The following ARHGEF10 variants were observed in gnomAD, a reference collection of about 807,000 sequenced individuals.
ARHGEF10 encodes Rho guanine nucleotide exchange factor (GEF) 10.
ARHGEF10 carries 140 observed loss-of-function variants against 147.4 expected under a neutral mutation model. The ratio of observed to expected loss-of-function variants is 0.95; its 90% CI spans 0.83 to 1.09. The LOEUF (loss-of-function observed/expected upper bound fraction) is 1.09, where lower values mean the gene tolerates loss of function less well. Ranked by LOEUF, ARHGEF10 falls within the 50% of genes least tolerant of loss-of-function variation. The pLI, the probability that ARHGEF10 is intolerant of heterozygous loss-of-function variation, is 0.00. For synonymous variants in ARHGEF10, 902 were observed against 695.8 expected (o/e 1.30, Z -4.67); for missense variants, 2,222 against 1,752.7 (o/e 1.27, Z -4.78).
At chr8:1,839,534 ACTGTCTGGTGTGGAAG>A (rs1803825831) in intron 1 of ARHGEF10, among the ~76,000 whole-genome samples, 1 of 110,796 alleles carries the variant, frequency 9.0e-6, no homozygotes, top group African/African-American at 4.0e-5. Flanking sequence ...CGATATGGGG[ACTGTCTGGTGTGGAAG>A]CTGTCTGGTG....
rs577577935 is a variant in ARHGEF10, at chr8:1,901,722, C to T, written c.1651-1559C>T. On this transcript the variant is annotated intron_variant, in intron 15 of 28. Coordinates refer to ENST00000349830, the MANE Select transcript of ARHGEF10 (RefSeq NM_014629.4). ...CTGTCTCCATCGCACGCCTAGTCCC[C>T]GGTGCCACCACCAGTGTGTGGGTTT... Among the ~76,000 whole-genome samples, 8 of 152,326 alleles carry T rather than the reference C, an allele frequency of 5.3e-5. No individual in the cohort carries two copies. The East Asian group carries it at 1.2e-3, about 22-fold the overall frequency.
rs1812456807 is a variant in ARHGEF10, at chr8:1,923,538, A to C, written c.2330A>C (p.Glu777Ala). ...AGGCTTATTTTGAAGAAAGAAGATG[A>C]AATCAGAGCTGCGGACTGCTGCAGA... Reference protein sequence around the residue: ...LQRLILKKEDEIRAADCCRIQ... With the variant: ...LQRLILKKEDAIRAADCCRIQ... The change falls in exon 20 of 29, where the codon GAA becomes GCA. Residue 777 changes from glutamate to alanine, a missense_variant. By Grantham distance (107) the Glu-to-Ala change is moderately radical (BLOSUM62 -1). Coordinates refer to ENST00000349830, the MANE Select transcript of ARHGEF10 (RefSeq NM_014629.4). 1 of 1,614,150 alleles carries C rather than the reference A, an allele frequency of 6.2e-7. No individual in the cohort carries two copies. The highest frequency in any genetic ancestry group is 8.5e-7 in the Non-Finnish European group (1 of 1,180,046).
chr8:1,945,706 G>T (rs770095479), intron 27 of ARHGEF10, 51 bp downstream of exon 27: 1 of 1,610,584 alleles, frequency 6.2e-7, no homozygotes, highest in Non-Finnish European at 8.5e-7. Context: ...GGGGACGGAC[G>T]TGGGGGGTGC....
Position 1,858,000 on chromosome 8 carries a change from A to G in ARHGEF10, c.78A>G (p.Glu26=). Reference sequence around the variant, plus strand: ...ATGATACCAATAATAATGAAGAGGAAGAGGGAGAACAGTTCGATTTTGACA... The same window carrying G: ...ATGATACCAATAATAATGAAGAGGAGGAGGGAGAACAGTTCGATTTTGACA... The part of the protein sequence containing the change: ...MKYDTNNNEE[E]EGEQFDFDSG... The change falls in exon 3 of 29, where the codon GAA becomes GAG. Residue 26 remains glutamate (E), a synonymous_variant. Coordinates refer to ENST00000349830, the MANE Select transcript of ARHGEF10 (RefSeq NM_014629.4). 1 of 1,614,100 alleles carries G rather than the reference A, an allele frequency of 6.2e-7. No homozygotes were observed. The highest frequency in any genetic ancestry group is 8.5e-7 in the Non-Finnish European group (1 of 1,179,998).
At chr8:1,836,867 G>C (rs1008934043) in intron 1 of ARHGEF10, among the ~76,000 whole-genome samples, 2 of 152,172 alleles carry the variant, frequency 1.3e-5, no homozygotes. Flanking sequence ...AGTCTCACGA[G>C]ATCTGATGGG....
chr8:1,856,654 A>G (rs962310963), intron 2 of ARHGEF10, among the ~76,000 whole-genome samples: 12 of 152,180 alleles, frequency 7.9e-5, no homozygotes, highest in African/African-American at 2.9e-4. Flanking sequence ...GCTCCCCCTC[A>G]GCCCCCTCCG....
intron 26 of ARHGEF10, among the ~76,000 whole-genome samples, chr8:1,939,780 A>T (rs1813929572): frequency 6.6e-6 from 1 of 152,176 alleles, no homozygotes; most frequent in South Asian, 2.1e-4. Context: ...GGGGACAAGG[A>T]GCTTAGGTCC....
intron 18 of ARHGEF10, among the ~76,000 whole-genome samples, chr8:1,915,321 G>A (rs978811288): frequency 2.6e-5 from 4 of 152,234 alleles, no homozygotes; most frequent in African/African-American, 9.6e-5. Context: ...TCACATCACA[G>A]ATTCTGGGCA....
At chr8:1,923,382 A>C (rs534647105) in intron 19 of ARHGEF10, 86 bp from the exon 20 acceptor site, 2 of 1,575,354 alleles carry the variant, frequency 1.3e-6, no homozygotes, top group African/African-American at 1.4e-5. Flanking sequence ...TGAATTTCTC[A>C]TATTAAAATT....
In ARHGEF10 at chr8:1,948,489, C is replaced by T. The variant is rs1267706468; in HGVS notation, c.3397+2834C>T. On this transcript the variant is annotated intron_variant, in intron 27 of 28. Coordinates refer to ENST00000349830, the MANE Select transcript of ARHGEF10 (RefSeq NM_014629.4). This position sits in a 1 kb window ranked among gnomAD's most constrained non-coding sequence, Gnocchi z 4.9. ...TGCTTTACCCACATTCAGTTCTCTG[C>T]TCCCAGGCTGTGGTCTGCTGCCACC... Among the ~76,000 whole-genome samples, 5 of 152,226 alleles carry T rather than the reference C, an allele frequency of 3.3e-5. No homozygotes were observed. The highest frequency in any genetic ancestry group is 5.9e-5 in the Non-Finnish European group (4 of 68,046).
In ARHGEF10 at chr8:1,837,638, G is replaced by A. The variant is rs867201513; in HGVS notation, c.-47-5715G>A. On this transcript the variant is annotated intron_variant, in intron 1 of 28. Coordinates refer to ENST00000349830, the MANE Select transcript of ARHGEF10 (RefSeq NM_014629.4). ...GTTGTGTTCATTCTTGAACAGACGC[G>A]GCAGGCGTACAGCTGGCCTTGTCTA... Among the ~76,000 whole-genome samples the A allele has an allele frequency of 3.9e-5, 6 of 152,288 alleles. 1 individual carries two copies. The highest frequency in any genetic ancestry group is 5.9e-5 in the Non-Finnish European group (4 of 68,030).
At chr8:1,852,897 T>A (rs1315662618) in intron 2 of ARHGEF10, among the ~76,000 whole-genome samples, 2 of 152,178 alleles carry the variant, frequency 1.3e-5, no homozygotes, top group Non-Finnish European at 2.9e-5. Context: ...GGGTGTCGTG[T>A]CAAGCTGCCG....
At chr8:1,952,265 C>G (rs576976662) in intron 27 of ARHGEF10, among the ~76,000 whole-genome samples, 1 of 152,310 alleles carries the variant, frequency 6.6e-6, no homozygotes, top group East Asian at 1.9e-4. Flanking sequence ...AGTCCAGCCG[C>G]GCCCATTAAG....
chr8:1,846,601 G>A (rs962367601), intron 2 of ARHGEF10, among the ~76,000 whole-genome samples: 19 of 150,918 alleles, frequency 1.3e-4, no homozygotes, highest in Admixed American at 7.2e-4. Flanking sequence ...TTTTTGAGAC[G>A]GAGTCTCGCT....
At chr8:1,843,616 G>A (rs951662428) in intron 2 of ARHGEF10, among the ~76,000 whole-genome samples, 180 bp downstream of exon 2, 2 of 152,178 alleles carry the variant, frequency 1.3e-5, no homozygotes, top group Admixed American at 6.5e-5. Context: ...GCCTTGCCAC[G>A]GGGGCATCCT....
At chr8:1,884,828 G>A (rs1808516623) in intron 10 of ARHGEF10, among the ~76,000 whole-genome samples, 1 of 152,152 alleles carries the variant, frequency 6.6e-6, no homozygotes, top group Admixed American at 6.5e-5. Flanking sequence ...GCAGTGGCAC[G>A]ACCACAGCTC....
intron 2 of ARHGEF10, among the ~76,000 whole-genome samples, chr8:1,844,154 G>A (rs1452010228): frequency 6.6e-6 from 1 of 152,136 alleles, no homozygotes; most frequent in African/African-American, 2.4e-5. Context: ...ATGGAGCTGT[G>A]GAGGTCACGG....
At chr8:1,899,613 G>A (rs1265649376) in intron 15 of ARHGEF10, among the ~76,000 whole-genome samples, 1 of 152,210 alleles carries the variant, frequency 6.6e-6, no homozygotes, top group African/African-American at 2.4e-5. Flanking sequence ...TCCATGGTTA[G>A]GTTGATGGCT....
intron 4 of ARHGEF10, among the ~76,000 whole-genome samples, chr8:1,863,268 C>T (rs139823946): frequency 2.0e-5 from 3 of 152,206 alleles, no homozygotes; most frequent in African/African-American, 7.2e-5. Context: ...ATCCACCCCC[C>T]CAGCCCCTCG....
Sources: gnomAD v4.1 joint callset for allele counts (sites outside exome capture counted in the v4.1 genomes callset) on GRCh38, gnomAD v4.1.1 for gene constraint, Gnocchi (gnomAD v3.1) non-coding constraint, MANE v1.5 for transcripts, NCBI Gene and HGNC (gene_info 2026-07-23, HGNC 2026-07-21) for gene names.